The following ARFGEF3 variants were observed in gnomAD, a reference collection of about 807,000 sequenced individuals.
ARFGEF3 encodes the protein ARFGEF family member 3, also known as brefeldin A-inhibited guanine nucleotide-exchange protein 3.
ARFGEF3 carries 96 observed loss-of-function variants against 221.7 expected under a neutral mutation model. The observed-to-expected ratio is 0.43, with a 90% CI of 0.37 to 0.51. The LOEUF is 0.51. Among genes scored for constraint, ARFGEF3 ranks in the 20% least tolerant of loss-of-function variants. ARFGEF3 has a pLI of 0.00. For missense variants in ARFGEF3, 2,410 were observed against 2,789.9 expected, an observed-to-expected ratio of 0.86 and a Z score of 3.07; for synonymous variants, 1,145 against 1,126.8, an observed-to-expected ratio of 1.02 and a Z score of -0.32.
At chr6:138,164,781 A>G (rs1044714556) in intron 1 of ARFGEF3, among the ~76,000 whole-genome samples, 3 of 152,220 alleles carry the variant, frequency 2.0e-5, no homozygotes, top group Non-Finnish European at 4.4e-5. Flanking sequence ...GGGTCTCCAC[A>G]GTTTTGGGCT....
At chr6:138,187,509 A>C (rs1647649537) in intron 2 of ARFGEF3, among the ~76,000 whole-genome samples, 1 of 152,236 alleles carries the variant, frequency 6.6e-6, no homozygotes, top group South Asian at 2.1e-4. Context: ...CCAGCAAGGA[A>C]GGCTCCGGCT....
rs543494010 is a variant in ARFGEF3 at position 138,202,618 on chromosome 6, T to C, written c.138-4424T>C. Among the ~76,000 whole-genome samples the C allele has an allele frequency of 2.0e-5, 3 of 152,118 alleles. No homozygotes were observed. In the East Asian group the frequency reaches 5.8e-4, roughly 29 times the overall value. Reference sequence around the variant, plus strand: ...AAACTGTTTTCATTCACGTTGATTTTTGTTAGCTGTTTAAGAGCATTAGAC... The same window carrying C: ...AAACTGTTTTCATTCACGTTGATTTCTGTTAGCTGTTTAAGAGCATTAGAC... On this transcript the variant is annotated intron_variant, in intron 2 of 33. Transcript: ENST00000251691.
intron 13 of ARFGEF3, among the ~76,000 whole-genome samples, chr6:138,279,432 C>T (rs1047620931): frequency 2.0e-5 from 3 of 152,208 alleles, no homozygotes; most frequent in African/African-American, 7.2e-5. Flanking sequence ...GTAAGGGATA[C>T]AATGAGAGTG....
intron 4 of ARFGEF3, among the ~76,000 whole-genome samples, chr6:138,228,728 C>T (rs1384185297): frequency 6.6e-6 from 1 of 152,216 alleles, no homozygotes; most frequent in Non-Finnish European, 1.5e-5. Flanking sequence ...TCACATCTGA[C>T]AATTGCAGTT....
chr6:138,165,515 G>A lies in ARFGEF3; in HGVS notation c.85+3344G>A, dbSNP rs369687332. 5.3e-5 allele frequency among the ~76,000 whole-genome samples: 8 copies of A among 149,828 alleles called. No homozygotes were observed. In the East Asian group the frequency reaches 1.0e-3, roughly 19 times the overall value. ...CATCCCCCTCTGAGACCCACATGGG[G>A]GAGAGGGGCATCTCCCTCTGAGACC... On this transcript the variant is annotated intron_variant, in intron 1 of 33. Coordinates refer to ENST00000251691, the MANE Select transcript of ARFGEF3 (RefSeq NM_020340.5).
chr6:138,290,889 G>A (rs1740247848), intron 18 of ARFGEF3, among the ~76,000 whole-genome samples: 1 of 152,148 alleles, frequency 6.6e-6, no homozygotes, highest in Admixed American at 6.5e-5. Context: ...GTTCTATTAT[G>A]AAGGCTGCTG....
In ARFGEF3 at chr6:138,253,957, T is replaced by C. The variant is rs1348036797; in HGVS notation, c.743T>C (p.Leu248Pro). The change falls in exon 9 of 34, where the codon CTG (leucine) becomes CCG (proline). Residue 248 changes from leucine (L) to proline (P), a missense_variant. Coordinates refer to ENST00000251691, the MANE Select transcript of ARFGEF3 (RefSeq NM_020340.5). The stretch of plus-strand genomic sequence containing the variant: ...AGCAGCTCCTCCTCCTCCATGCACC[T>C]GCACAGGCGCTTCACGGACCTGATC... ...VLSSSSSSMH[L>P]HRRFTDLIWK... The C allele has an allele frequency of 6.3e-7, 1 of 1,595,622 alleles. No individual in the cohort carries two copies. The highest frequency in any genetic ancestry group is 1.7e-5 in the Admixed American group (1 of 57,410).
chr6:138,318,792 C>T (rs1215054382), intron 27 of ARFGEF3, among the ~76,000 whole-genome samples: 1 of 152,070 alleles, frequency 6.6e-6, no homozygotes. Flanking sequence ...AACAAAGAAG[C>T]ACAATGATTT....
Position 138,313,794 on chromosome 6 carries a change from G to A in ARFGEF3, c.4201-1G>A. On this transcript the variant is annotated splice_acceptor_variant, in intron 25 of 33. Transcript: ENST00000251691. LOFTEE classifies it high-confidence loss of function. ...CAGTTTGTCTTTTTATTTTAATTTA[G>A]TTATTGGCCAAAATCTACAAAATGC... 2 of 1,612,396 alleles carry A rather than the reference G, an allele frequency of 1.2e-6. No individual in the cohort carries two copies. Among genetic ancestry groups the A allele is most frequent in the Non-Finnish European group, 1.7e-6 (2 of 1,179,018 alleles).
At chr6:138,303,926 A>T (rs1779673492) in intron 22 of ARFGEF3, among the ~76,000 whole-genome samples, 1 of 151,044 alleles carries the variant, frequency 6.6e-6, no homozygotes, top group South Asian at 2.1e-4. Flanking sequence ...AGGTGGAGAC[A>T]TTGGAACCTT....
intron 32 of ARFGEF3, 23 bp from the exon 33 acceptor site, chr6:138,333,947 G>A (rs1780272639): frequency 5.1e-6 from 8 of 1,582,660 alleles, no homozygotes; most frequent in South Asian, 2.3e-5. Context: ...ACCATTAATC[G>A]AGCCCTCTCT....
chr6:138,300,687 A>G (rs1779613625), intron 22 of ARFGEF3, among the ~76,000 whole-genome samples: 1 of 152,244 alleles, frequency 6.6e-6, no homozygotes, highest in South Asian at 2.1e-4. Flanking sequence ...CACCAACATA[A>G]TAAAAGACGG....
intron 22 of ARFGEF3, among the ~76,000 whole-genome samples, chr6:138,301,489 G>A (rs1375918761): frequency 6.6e-6 from 1 of 152,154 alleles, no homozygotes; most frequent in Non-Finnish European, 1.5e-5. Context: ...GAAGACCATT[G>A]GCTTGTCAAT....
chr6:138,179,266 G>T (rs1777016267), intron 2 of ARFGEF3, among the ~76,000 whole-genome samples: 1 of 152,290 alleles, frequency 6.6e-6, no homozygotes, highest in East Asian at 1.9e-4. Flanking sequence ...GAATCCTGGA[G>T]CTATTTTGTC....
At chr6:138,312,744 C>G (rs1484578388) in intron 25 of ARFGEF3, among the ~76,000 whole-genome samples, 1 of 152,200 alleles carries the variant, frequency 6.6e-6, no homozygotes, top group Non-Finnish European at 1.5e-5. Flanking sequence ...CACAGTTGCT[C>G]TGTTGCCCAG....
rs148162273 is a variant in ARFGEF3, at chr6:138,212,371, A to G, written c.351+2330A>G. Reference sequence around the variant, plus strand: ...GGCGAAACCACATCTCTACAAAAAAATAAAAAAAGTTAATGTAGAGAAATA... The same window carrying G: ...GGCGAAACCACATCTCTACAAAAAAGTAAAAAAAGTTAATGTAGAGAAATA... On this transcript the variant is annotated intron_variant, in intron 4 of 33. Transcript: ENST00000251691. Among the ~76,000 whole-genome samples, 1,305 of 152,322 alleles carry G rather than the reference A, an allele frequency of 8.6e-3. 13 individuals are homozygous for G. Among genetic ancestry groups the G allele is most frequent in the African/African-American group, 0.03 (1,228 of 41,572 alleles).
At chr6:138,187,370 C>T (rs1228747879) in intron 2 of ARFGEF3, among the ~76,000 whole-genome samples, 1 of 152,216 alleles carries the variant, frequency 6.6e-6, no homozygotes, top group East Asian at 1.9e-4. Context: ...GAGTCCTTTT[C>T]ACAGACCCCA....
chr6:138,265,598 G>T (rs567913011), intron 12 of ARFGEF3, among the ~76,000 whole-genome samples: 1 of 151,966 alleles, frequency 6.6e-6, no homozygotes, highest in South Asian at 2.1e-4. Context: ...ACATTCTAGG[G>T]GTGTGTTTTG....
chr6:138,236,459 A>G (rs533300339), intron 5 of ARFGEF3, among the ~76,000 whole-genome samples: 28 of 152,342 alleles, frequency 1.8e-4, no homozygotes, highest in African/African-American at 6.5e-4. Context: ...CATCGCATGC[A>G]AAAGTAGAAG....
Sources: allele counts gnomAD v4.1 joint callset (sites outside exome capture counted in the v4.1 genomes callset), GRCh38; gene constraint gnomAD v4.1.1; transcripts MANE v1.5; gene names NCBI Gene and HGNC (gene_info 2026-07-23, HGNC 2026-07-21).